The following BACH2 variants were observed in gnomAD, a reference collection of about 807,000 sequenced individuals.
BACH2 encodes transcription regulator protein BACH2.
In BACH2, 5 loss-of-function variants were observed where a neutral mutation model predicts 61.8. That is an observed-to-expected ratio of 0.08 (90% confidence interval 0.04 to 0.17). BACH2 has a LOEUF of 0.17. BACH2 is among the 10% of genes least tolerant of loss of function. The probability of loss-of-function intolerance (pLI) is 1.00; values close to 1 mark genes in which losing one functional copy is unlikely to be tolerated. For synonymous variants in BACH2, 446 were observed against 440.1 expected (o/e 1.01, Z -0.17); for missense variants, 824 against 1,091.1 (o/e 0.76, Z 3.45).
chr6:90,107,236 G>A (rs138783377), intron 4 of BACH2, among the ~76,000 whole-genome samples: 26 of 152,156 alleles, frequency 1.7e-4, no homozygotes, highest in African/African-American at 6.0e-4. Context: ...GCTGGGTGTG[G>A]TGGCGTGCGC....
intron 5 of BACH2, among the ~76,000 whole-genome samples, chr6:90,044,751 C>T (rs543933666): frequency 5.2e-4 from 79 of 152,064 alleles, no homozygotes; most frequent in African/African-American, 1.9e-3. Context: ...GGTGAGAGAA[C>T]GGAAAGAGTT....
chr6:90,165,226 T>C (rs374411452), intron 4 of BACH2, among the ~76,000 whole-genome samples: 7 of 152,066 alleles, frequency 4.6e-5, no homozygotes, highest in African/African-American at 9.7e-5. Flanking sequence ...TCTCAGGATA[T>C]AAAATCAATG....
chr6:90,080,250 A>C (rs1781665362), intron 5 of BACH2, among the ~76,000 whole-genome samples: 1 of 152,164 alleles, frequency 6.6e-6, no homozygotes, highest in Admixed American at 6.6e-5. Flanking sequence ...TGATTTTGCC[A>C]AACTTAAGTC....
intron 4 of BACH2, among the ~76,000 whole-genome samples, chr6:90,172,754 T>C (rs1208054761): frequency 2.0e-5 from 3 of 152,138 alleles, no homozygotes; most frequent in Admixed American, 6.5e-5. Flanking sequence ...CTAAAGGACA[T>C]GCTTCAGAAA....
At position 90,285,261 on chromosome 6, in the gene BACH2, C is replaced by T. The variant is rs144316451; in HGVS notation, c.-446+11219G>A. Among the ~76,000 whole-genome samples, 287 of 152,200 alleles carry T rather than the reference C, an allele frequency of 1.9e-3. 1 individual carries two copies. Among genetic ancestry groups the T allele is most frequent in the Middle Eastern group, 0.01 (3 of 294 alleles). On this transcript the variant is annotated intron_variant, in intron 1 of 8. Transcript: ENST00000257749. Reference sequence around the variant, plus strand: ...GTTTTTTAACCTCAATAACAGGGAACGGATATAAACAAAAGCTGTCATCAC... The same window carrying T: ...GTTTTTTAACCTCAATAACAGGGAATGGATATAAACAAAAGCTGTCATCAC...
chr6:90,146,948 T>C (rs1262624330), intron 4 of BACH2, among the ~76,000 whole-genome samples: 1 of 152,190 alleles, frequency 6.6e-6, no homozygotes, highest in Non-Finnish European at 1.5e-5. Context: ...CCAGGAGACG[T>C]AGGATAAGTC....
chr6:90,026,270 A>T (rs539163339), intron 5 of BACH2, among the ~76,000 whole-genome samples: 79 of 152,280 alleles, frequency 5.2e-4, no homozygotes, highest in African/African-American at 1.8e-3. Flanking sequence ...GGAAGGAGGA[A>T]TGGAGGGAGA....
chr6:89,963,392 C>T (rs549714682), intron 6 of BACH2, among the ~76,000 whole-genome samples: 86 of 152,292 alleles, frequency 5.6e-4, no homozygotes, highest in Non-Finnish European at 1.2e-3. Context: ...TTCCCAGGCT[C>T]AAGTGCTCCT....
chr6:90,040,990 T>G (rs1779505825), intron 5 of BACH2, among the ~76,000 whole-genome samples: 1 of 152,220 alleles, frequency 6.6e-6, no homozygotes, highest in South Asian at 2.1e-4. Flanking sequence ...ACTATCCAAG[T>G]GTGCAATCAT....
chr6:90,017,751 C>T (rs762876472), intron 5 of BACH2, among the ~76,000 whole-genome samples: 1 of 152,158 alleles, frequency 6.6e-6, no homozygotes, highest in Non-Finnish European at 1.5e-5. Context: ...ATAACTACTG[C>T]AATGTCCTTG....
At chr6:90,096,711 C>T (rs1016669854) in intron 4 of BACH2, among the ~76,000 whole-genome samples, 1 of 152,206 alleles carries the variant, frequency 6.6e-6, no homozygotes, top group Non-Finnish European at 1.5e-5. Flanking sequence ...AGTTCATCTG[C>T]TCTCAGCTTG....
chr6:90,137,721 T>C (rs1270154981), intron 4 of BACH2, among the ~76,000 whole-genome samples: 1 of 152,206 alleles, frequency 6.6e-6, no homozygotes, highest in Non-Finnish European at 1.5e-5. Context: ...AAGTGAATTA[T>C]CTTTGAGAAG....
At chr6:90,014,550 T>C (rs2127782963) in intron 5 of BACH2, among the ~76,000 whole-genome samples, 1 of 142,138 alleles carries the variant, frequency 7.0e-6, no homozygotes, top group African/African-American at 2.6e-5. Context: ...CTTGGCTCAC[T>C]GCAAACTCCA....
chr6:89,990,831 G>C lies in BACH2; in HGVS notation c.243+17771C>G, dbSNP rs1350845287. Among the ~76,000 whole-genome samples, 8 of 152,170 alleles carry C rather than the reference G, an allele frequency of 5.3e-5. No individual in the cohort carries two copies. The East Asian group carries it at 1.5e-3, about 29-fold the overall frequency. On this transcript the variant is annotated intron_variant, in intron 6 of 8. Transcript: ENST00000257749. ...TCTGTCATCCCTAATTGGGATATAA[G>C]CTCTGTGAAAGCTCAGAGTTTTGCC...
chr6:89,995,553 T>C (rs1457104408), intron 6 of BACH2, among the ~76,000 whole-genome samples: 1 of 152,196 alleles, frequency 6.6e-6, no homozygotes, highest in Non-Finnish European at 1.5e-5. Context: ...TTCTGACTTA[T>C]CGCTTGTGAC....
At chr6:90,166,312 C>G (rs993127626) in intron 4 of BACH2, among the ~76,000 whole-genome samples, 3 of 151,732 alleles carry the variant, frequency 2.0e-5, no homozygotes, top group Non-Finnish European at 4.4e-5. Flanking sequence ...AAATGCTCAT[C>G]ATCACTGGCC....
chr6:90,127,155 A>T (rs184804439), intron 4 of BACH2, among the ~76,000 whole-genome samples: 8 of 152,238 alleles, frequency 5.3e-5, no homozygotes, highest in South Asian at 2.1e-4. Flanking sequence ...GTTGTTGCAT[A>T]AAAAAAAGTA....
In BACH2 at chr6:90,274,788, A is replaced by T. The variant is rs1011191398; in HGVS notation, c.-445-2847T>A. On this transcript the variant is annotated intron_variant, in intron 1 of 8. Transcript: ENST00000257749. ...CATTGAGACCTGATGCTAAGGGGAG[A>T]CCCCTCTAAAGACACCCACACAACC... Among the ~76,000 whole-genome samples the T allele has an allele frequency of 2.0e-5, 3 of 152,266 alleles. No individual in the cohort carries two copies. The East Asian group carries it at 5.8e-4, about 29-fold the overall frequency.
At chr6:90,211,697 C>G (rs1769360045) in intron 3 of BACH2, among the ~76,000 whole-genome samples, 2 of 151,220 alleles carry the variant, frequency 1.3e-5, no homozygotes, top group African/African-American at 4.9e-5. Flanking sequence ...GTGAGTTGGG[C>G]TTTTCTCCCC....
Sources: gnomAD v4.1 joint callset for allele counts (sites outside exome capture counted in the v4.1 genomes callset) on GRCh38, gnomAD v4.1.1 for gene constraint, MANE v1.5 for transcripts, NCBI Gene and HGNC (gene_info 2026-07-23, HGNC 2026-07-21) for gene names.